LRRC3B: variants seen among roughly 807,000 people sequenced by gnomAD.
LRRC3B encodes the protein leucine-rich repeat-containing protein 3B.
LRRC3B carries 2 observed loss-of-function variants against 12.8 expected under a neutral mutation model. The observed-to-expected ratio is 0.16, with a 90% confidence interval of 0.06 to 0.49. LRRC3B has a LOEUF of 0.49. LRRC3B is among the 20% of genes least tolerant of loss of function. LRRC3B has a pLI of 0.96. For synonymous variants in LRRC3B, 132 were observed against 122.0 expected (o/e 1.08, Z -0.54); for missense variants, 189 against 319.4 (o/e 0.59, Z 3.11).
At chr3:26,685,066 G>A (rs1276776969) in intron 1 of LRRC3B, among the ~76,000 whole-genome samples, 1 of 152,146 alleles carries the variant, frequency 6.6e-6, no homozygotes, top group African/African-American at 2.4e-5. Context: ...CAATTCTCCT[G>A]CCTGAGCCTC....
At chr3:26,631,395 C>A (rs942794218) in intron 1 of LRRC3B, among the ~76,000 whole-genome samples, 1 of 152,178 alleles carries the variant, frequency 6.6e-6, no homozygotes, top group African/African-American at 2.4e-5. Flanking sequence ...CACTTCGTTT[C>A]CCTTCCCACT....
In LRRC3B at chr3:26,698,542, T is replaced by G. The variant is rs1034679077; in HGVS notation, c.-160-10971T>G. Among the ~76,000 whole-genome samples, 3 of 152,152 alleles carry G rather than the reference T, an allele frequency of 2.0e-5. No homozygotes were observed. The East Asian group carries it at 5.8e-4, about 29-fold the overall frequency. Reference sequence around the variant, plus strand: ...CTTTTTTGCATCACCAAAAAAGGACTTATCTTCCCCTCGAAGATTTTTGTT... The same window carrying G: ...CTTTTTTGCATCACCAAAAAAGGACGTATCTTCCCCTCGAAGATTTTTGTT... On this transcript the variant is annotated intron_variant, in intron 1 of 1. Coordinates refer to ENST00000396641, the Ensembl canonical transcript of LRRC3B.
intron 1 of LRRC3B, among the ~76,000 whole-genome samples, chr3:26,658,389 A>C (rs1281408306): frequency 6.6e-6 from 1 of 152,238 alleles, no homozygotes; most frequent in Non-Finnish European, 1.5e-5. Flanking sequence ...ATAATTTGCA[A>C]ATAAAGTACC....
At chr3:26,675,354 G>T (rs538419522) in intron 1 of LRRC3B, among the ~76,000 whole-genome samples, 1 of 152,328 alleles carries the variant, frequency 6.6e-6, no homozygotes, top group Non-Finnish European at 1.5e-5. Context: ...AGCTCTAGGT[G>T]CCACATGCCC....
intron 1 of LRRC3B, among the ~76,000 whole-genome samples, chr3:26,648,009 C>T (rs959489079): frequency 1.3e-5 from 2 of 151,750 alleles, no homozygotes; most frequent in African/African-American, 2.4e-5. Context: ...TTCTGTGACT[C>T]GACAGTGCCT....
chr3:26,654,581 G>A (rs1015443080), intron 1 of LRRC3B, among the ~76,000 whole-genome samples: 2 of 152,300 alleles, frequency 1.3e-5, no homozygotes, highest in East Asian at 3.9e-4. Flanking sequence ...GGAGTAAGGA[G>A]GATGTTCTAG....
At position 26,692,097 on chromosome 3, in the gene LRRC3B, C is replaced by T. The variant is rs534211212; in HGVS notation, c.-160-17416C>T. 2.0e-5 allele frequency among the ~76,000 whole-genome samples: 3 copies of T among 152,310 alleles called. No individual in the cohort carries two copies. In the South Asian group the frequency reaches 6.2e-4, roughly 32 times the overall value. ...AAGAGTATGCTTAAAACAAAAATCACTCAACAAAGAGAAATAGCTAATATT... is the reference window on the plus strand; with the variant it reads ...AAGAGTATGCTTAAAACAAAAATCATTCAACAAAGAGAAATAGCTAATATT... On this transcript the variant is annotated intron_variant, in intron 1 of 1. Transcript: ENST00000396641.
At chr3:26,627,550 G>A (rs1466222888) in intron 1 of LRRC3B, among the ~76,000 whole-genome samples, 1 of 152,038 alleles carries the variant, frequency 6.6e-6, no homozygotes, top group African/African-American at 2.4e-5. Flanking sequence ...TGGAGGTGAG[G>A]CTTGGCTGCT....
intron 1 of LRRC3B, among the ~76,000 whole-genome samples, chr3:26,658,604 ATTCT>A (rs1699426725): frequency 6.6e-6 from 1 of 152,266 alleles, no homozygotes; most frequent in Non-Finnish European, 1.5e-5. Flanking sequence ...TCAAAGCCTC[ATTCT>A]TTATACAAAA....
chr3:26,642,523 G>C (rs1030596825), intron 1 of LRRC3B, among the ~76,000 whole-genome samples: 3 of 152,194 alleles, frequency 2.0e-5, no homozygotes, highest in Admixed American at 6.5e-5. Context: ...GGAGAGAGCA[G>C]AGTCTCTGAG....
intron 1 of LRRC3B, among the ~76,000 whole-genome samples, chr3:26,689,845 C>T (rs1203166064): frequency 1.3e-5 from 2 of 152,180 alleles, no homozygotes; most frequent in Non-Finnish European, 2.9e-5. Context: ...GGTCCGCAGG[C>T]CCCCCAACAC....
At chr3:26,700,415 G>C (rs150860577) in intron 1 of LRRC3B, among the ~76,000 whole-genome samples, 13 of 152,140 alleles carry the variant, frequency 8.5e-5, no homozygotes, top group African/African-American at 3.1e-4. Flanking sequence ...GGATATCTGA[G>C]ATGCAGGTCC....
chr3:26,708,802 G>A (rs147608485), intron 1 of LRRC3B, among the ~76,000 whole-genome samples: 6 of 152,234 alleles, frequency 3.9e-5, no homozygotes, highest in African/African-American at 1.4e-4. Context: ...AGTCATGGAG[G>A]TGTGTGCCAT....
intron 1 of LRRC3B, among the ~76,000 whole-genome samples, chr3:26,703,926 C>G (rs1353175027): frequency 2.0e-5 from 3 of 151,516 alleles, no homozygotes; most frequent in South Asian, 2.1e-4. Context: ...TAATCTTAGT[C>G]CTTTTGCATT....
At chr3:26,636,040 G>A (rs564443046) in intron 1 of LRRC3B, among the ~76,000 whole-genome samples, 2 of 152,140 alleles carry the variant, frequency 1.3e-5, no homozygotes, top group South Asian at 2.1e-4. Context: ...CTCACCCCAC[G>A]GTGATATAAT....
At chr3:26,685,473 G>C (rs1193771571) in intron 1 of LRRC3B, among the ~76,000 whole-genome samples, 2 of 113,444 alleles carry the variant, frequency 1.8e-5, no homozygotes, top group Non-Finnish European at 3.5e-5. Context: ...ACTAAGATAT[G>C]GTAGACTCTC....
intron 1 of LRRC3B, chr3:26,625,337 C>T (rs553907741): frequency 6.6e-6 from 1 of 152,362 alleles, no homozygotes; most frequent in Admixed American, 6.5e-5. Flanking sequence ...TCTGGGGCAC[C>T]CCTGGAGCAG....
intron 1 of LRRC3B, among the ~76,000 whole-genome samples, chr3:26,702,195 G>A (rs1700471810): frequency 6.6e-6 from 1 of 152,170 alleles, no homozygotes; most frequent in Non-Finnish European, 1.5e-5. Flanking sequence ...GTAGAAAACA[G>A]TAAATAATAT....
intron 1 of LRRC3B, among the ~76,000 whole-genome samples, chr3:26,656,624 C>A (rs1208244969): frequency 6.6e-6 from 1 of 152,114 alleles, no homozygotes; most frequent in African/African-American, 2.4e-5. Flanking sequence ...TGTTGTCAAG[C>A]CAGGTATCCA....
Sources: gnomAD v4.1 joint callset for allele counts (sites outside exome capture counted in the v4.1 genomes callset) on GRCh38, gnomAD v4.1.1 for gene constraint, MANE v1.5 for transcripts, NCBI Gene and HGNC (gene_info 2026-07-23, HGNC 2026-07-21) for gene names.